NKAIN3: variants seen among roughly 807,000 people sequenced by gnomAD.
NKAIN3 encodes the protein sodium/potassium transporting ATPase interacting 3, also known as sodium/potassium-transporting ATPase subunit beta-1-interacting protein 3.
NKAIN3 carries 25 observed loss-of-function variants against 30.2 expected under a neutral mutation model. The observed-to-expected ratio is 0.83, with a 90% CI of 0.60 to 1.16. The LOEUF is 1.16. NKAIN3 is among the 50% of genes most tolerant of loss of function. The pLI, the probability that NKAIN3 is intolerant of heterozygous loss-of-function variation, is 0.00. For missense variants in NKAIN3, 225 were observed against 254.1 expected (o/e 0.89, Z 0.78); for synonymous variants, 91 against 89.6 (o/e 1.02, Z -0.09).
intron 3 of NKAIN3, among the ~76,000 whole-genome samples, chr8:62,657,811 T>C (rs898123855): frequency 6.6e-6 from 1 of 152,178 alleles, no homozygotes; most frequent in Non-Finnish European, 1.5e-5. Context: ...TTTGCTCTTT[T>C]CTGAATGACC....
At chr8:62,478,492 C>T (rs1585852699) in intron 1 of NKAIN3, among the ~76,000 whole-genome samples, 1 of 152,138 alleles carries the variant, frequency 6.6e-6, no homozygotes, top group East Asian at 1.9e-4. Flanking sequence ...TTTTGAAGTC[C>T]TTCACATCCA....
chr8:62,932,213 T>C (rs1045343932), intron 5 of NKAIN3, among the ~76,000 whole-genome samples: 3 of 152,238 alleles, frequency 2.0e-5, no homozygotes, highest in African/African-American at 7.2e-5. Flanking sequence ...CACTTATTAA[T>C]TGATTCACTC....
chr8:62,650,898 T>G (rs1234040898), intron 3 of NKAIN3, among the ~76,000 whole-genome samples: 1 of 152,160 alleles, frequency 6.6e-6, no homozygotes, highest in African/African-American at 2.4e-5. Flanking sequence ...AAAATAATAC[T>G]TAGCTATTTT....
intron 1 of NKAIN3, among the ~76,000 whole-genome samples, chr8:62,544,720 A>G (rs531629934): frequency 5.4e-5 from 6 of 110,194 alleles, no homozygotes; most frequent in African/African-American, 1.1e-4. Flanking sequence ...TGTATAAAGT[A>G]CAAACAATCC....
chr8:62,485,256 C>A (rs1397433601), intron 1 of NKAIN3, among the ~76,000 whole-genome samples: 1 of 152,114 alleles, frequency 6.6e-6, no homozygotes, highest in Non-Finnish European at 1.5e-5. Flanking sequence ...CATGGGTCAA[C>A]TGTGAGGTAA....
At chr8:62,998,868 G>T (rs1202717977) in intron 5 of NKAIN3, among the ~76,000 whole-genome samples, 1 of 152,114 alleles carries the variant, frequency 6.6e-6, no homozygotes, top group Non-Finnish European at 1.5e-5. Context: ...CTAAAAACTA[G>T]CAGTTAGTGA....
intron 4 of NKAIN3, among the ~76,000 whole-genome samples, chr8:62,802,950 G>T (rs34439070): frequency 0.68 from 103,465 of 151,924 alleles, 37,406 homozygotes; most frequent in Non-Finnish European, 0.8. Context: ...ACAAAAAAAG[G>T]CAGGGGTTGC....
At chr8:62,846,377 A>G (rs1819689184) in intron 4 of NKAIN3, among the ~76,000 whole-genome samples, 1 of 152,104 alleles carries the variant, frequency 6.6e-6, no homozygotes, top group Non-Finnish European at 1.5e-5. Flanking sequence ...GGTTTGTTAC[A>G]TAGGTAAACA....
chr8:62,726,724 C>T (rs1180498104), intron 3 of NKAIN3, among the ~76,000 whole-genome samples: 3 of 151,948 alleles, frequency 2.0e-5, no homozygotes, highest in Non-Finnish European at 4.4e-5. Context: ...CCTTCATAAA[C>T]AGACAGCATC....
In NKAIN3 at chr8:62,483,784, C is replaced by T; in HGVS notation, c.55-95755C>T. 1.9e-5 allele frequency: 5 copies of T among 256,826 alleles called. No individual in the cohort carries two copies. The South Asian group carries it at 2.0e-4, about 10-fold the overall frequency. 15.9% of individuals were successfully genotyped at this position (256,826 alleles called of 1,614,324 possible). Reference sequence around the variant, plus strand: ...GCATTTGCAGCTTCTTCAAGCTCCTCTACCAGCCTCCTGTTGGCTGCCCCC... The same window carrying T: ...GCATTTGCAGCTTCTTCAAGCTCCTTTACCAGCCTCCTGTTGGCTGCCCCC... On this transcript the variant is annotated intron_variant, in intron 1 of 6. Transcript: ENST00000623646.
chr8:62,500,922 A>G (rs1807429221), intron 1 of NKAIN3, among the ~76,000 whole-genome samples: 1 of 152,178 alleles, frequency 6.6e-6, no homozygotes, highest in Non-Finnish European at 1.5e-5. Context: ...GGGATGATGC[A>G]CGCCATCATA....
chr8:62,285,468 T>C (rs1173997112), intron 1 of NKAIN3, among the ~76,000 whole-genome samples: 1 of 152,158 alleles, frequency 6.6e-6, no homozygotes, highest in Non-Finnish European at 1.5e-5. Context: ...AGTCAGCTTG[T>C]GGCTAGAGCA....
intron 1 of NKAIN3, among the ~76,000 whole-genome samples, chr8:62,465,369 A>G (rs1168992409): frequency 6.6e-6 from 1 of 152,226 alleles, no homozygotes; most frequent in East Asian, 1.9e-4. Context: ...AAGAACGTTA[A>G]CACAACAACA....
chr8:62,614,407 G>T (rs925092750), intron 3 of NKAIN3, among the ~76,000 whole-genome samples: 3 of 152,138 alleles, frequency 2.0e-5, no homozygotes, highest in Admixed American at 2.0e-4. Flanking sequence ...AGTGGCACAA[G>T]CACCCCTGTG....
At chr8:62,796,383 CAAAAAA>C (rs71255362) in intron 4 of NKAIN3, among the ~76,000 whole-genome samples, 21 of 53,758 alleles carry the variant, frequency 3.9e-4, no homozygotes, top group Middle Eastern at 0.019. Context: ...GACTCTGTCT[CAAAAAA>C]AAAAAAAAAA....
intron 1 of NKAIN3, among the ~76,000 whole-genome samples, chr8:62,268,729 A>G (rs1812683075): frequency 6.6e-6 from 1 of 152,150 alleles, no homozygotes; most frequent in African/African-American, 2.4e-5. Flanking sequence ...CCAAGGTCAC[A>G]TTGCTGGCCG....
chr8:62,622,571 G>A (rs1315242266), intron 3 of NKAIN3, among the ~76,000 whole-genome samples: 2 of 151,914 alleles, frequency 1.3e-5, no homozygotes, highest in African/African-American at 4.8e-5. Flanking sequence ...CTTATTTGCT[G>A]TTGATAAAAT....
chr8:62,274,851 T>G (rs1041336854), intron 1 of NKAIN3, among the ~76,000 whole-genome samples: 6 of 151,112 alleles, frequency 4.0e-5, no homozygotes, highest in African/African-American at 1.5e-4. Flanking sequence ...CAGTGTTTGG[T>G]TTTTTGTCCT....
At chr8:62,861,262 A>G (rs929240676) in intron 4 of NKAIN3, among the ~76,000 whole-genome samples, 1 of 152,206 alleles carries the variant, frequency 6.6e-6, no homozygotes, top group Non-Finnish European at 1.5e-5. Flanking sequence ...CACACAAACC[A>G]TAGTGTCATG....
Sources: gnomAD v4.1 joint callset for allele counts (sites outside exome capture counted in the v4.1 genomes callset) on GRCh38, gnomAD v4.1.1 for gene constraint, MANE v1.5 for transcripts, NCBI Gene and HGNC (gene_info 2026-07-23, HGNC 2026-07-21) for gene names.